Variants in FGGY observed in about 807,000 individuals in gnomAD.
The protein encoded by FGGY is FGGY carbohydrate kinase domain-containing protein.
A neutral mutation model predicts 71.3 loss-of-function variants in FGGY; 72 were observed. The ratio of observed to expected loss-of-function variants is 1.01; its 90% CI spans 0.84 to 1.23. The LOEUF (loss-of-function observed/expected upper bound fraction) is 1.23. Among genes scored for constraint, FGGY ranks in the 50% most tolerant of loss-of-function variants. FGGY has a pLI of 0.00. For synonymous variants in FGGY, 251 were observed against 250.3 expected (o/e 1.00, Z -0.02); for missense variants, 668 against 682.3 (o/e 0.98, Z 0.23).
chr1:59,713,660 T>C (rs2097818773), intron 14 of FGGY, among the ~76,000 whole-genome samples: 1 of 152,230 alleles, frequency 6.6e-6, no homozygotes, highest in Admixed American at 6.5e-5. Context: ...TTAAAGTCCT[T>C]ATATAATCAA....
chr1:59,588,280 A>C (rs1055975458), intron 8 of FGGY, among the ~76,000 whole-genome samples: 1 of 152,130 alleles, frequency 6.6e-6, no homozygotes, highest in African/African-American at 2.4e-5. Flanking sequence ...GCCTCCAAGA[A>C]ATATGGGACT....
intron 8 of FGGY, among the ~76,000 whole-genome samples, chr1:59,558,421 G>T (rs150225329): frequency 1.2e-3 from 178 of 152,208 alleles, no homozygotes; most frequent in African/African-American, 4.1e-3. Context: ...GCTGCTGGGG[G>T]TGACATCACA....
intron 5 of FGGY, among the ~76,000 whole-genome samples, chr1:59,435,099 C>T (rs1244942343): frequency 6.6e-6 from 1 of 152,154 alleles, no homozygotes; most frequent in Non-Finnish European, 1.5e-5. Context: ...ATCCAAGATA[C>T]ATGGAGAGCT....
intron 6 of FGGY, among the ~76,000 whole-genome samples, chr1:59,503,618 T>TATATATATATAA (rs1491270217): frequency 7.0e-6 from 1 of 143,752 alleles, no homozygotes; most frequent in African/African-American, 2.6e-5. Context: ...TATATATATA[T>TATATATATATAA]AAAATATGTA....
chr1:59,514,161 C>T (rs1257632019), intron 7 of FGGY, among the ~76,000 whole-genome samples: 1 of 152,196 alleles, frequency 6.6e-6, no homozygotes. Context: ...TGTCCCCTAG[C>T]AATCCTGACA....
chr1:59,490,418 T>C (rs1394350544), intron 6 of FGGY, among the ~76,000 whole-genome samples: 1 of 152,178 alleles, frequency 6.6e-6, no homozygotes, highest in African/African-American at 2.4e-5. Flanking sequence ...TGGATATTAA[T>C]GTCTTGACCA....
intron 10 of FGGY, 143 bp downstream of exon 10, chr1:59,626,192 C>A: frequency 1.6e-6 from 1 of 607,214 alleles, no homozygotes; most frequent in Admixed American, 3.1e-5. Context: ...CTGGATGATC[C>A]AGAAGATAGA....
At chr1:59,325,366 C>A (rs1376822998) in intron 2 of FGGY, among the ~76,000 whole-genome samples, 2 of 60,912 alleles carry the variant, frequency 3.3e-5, no homozygotes, top group African/African-American at 1.4e-4. Flanking sequence ...CCAACAACAG[C>A]AACAACAACA....
At chr1:59,533,187 TCACTC>T (rs1201204030) in intron 7 of FGGY, among the ~76,000 whole-genome samples, 1 of 152,226 alleles carries the variant, frequency 6.6e-6, no homozygotes, top group Non-Finnish European at 1.5e-5. Context: ...AGGCATTGCC[TCACTC>T]GGGAAGTGCA....
In FGGY at chr1:59,460,493, C is replaced by T. The variant is rs543500869; in HGVS notation, c.670+3417C>T. ...GGGCACGGCGTAGCTGAACAAAAGG[C>T]AGCAGAAACCTCTGCAGTCTTAAAC... On this transcript the variant is annotated intron_variant, in intron 6 of 15. Transcript: ENST00000303721. Among the ~76,000 whole-genome samples, 10 of 152,330 alleles carry T rather than the reference C, an allele frequency of 6.6e-5. No homozygotes were observed. In the East Asian group the frequency reaches 1.9e-3, roughly 29 times the overall value.
intron 8 of FGGY, among the ~76,000 whole-genome samples, chr1:59,554,599 G>T (rs1259463128): frequency 2.6e-5 from 4 of 152,004 alleles, no homozygotes; most frequent in Admixed American, 6.5e-5. Flanking sequence ...TGTTTTCCTT[G>T]GCCAGGGAAC....
intron 7 of FGGY, among the ~76,000 whole-genome samples, chr1:59,551,585 G>A (rs917700543): frequency 6.6e-6 from 1 of 151,936 alleles, no homozygotes; most frequent in Non-Finnish European, 1.5e-5. Context: ...AGTGAACATT[G>A]GTTGCCTGGC....
intron 6 of FGGY, among the ~76,000 whole-genome samples, chr1:59,483,821 G>A (rs930826049): frequency 1.3e-5 from 2 of 151,990 alleles, no homozygotes; most frequent in East Asian, 1.9e-4. Flanking sequence ...AGAAGTCCTG[G>A]GGAGATGAAT....
At chr1:59,296,763 A>G (rs1378454291), upstream of FGGY, 9 of 149,508 alleles carry the variant, frequency 6.0e-5, no homozygotes, top group African/African-American at 2.0e-4. Context: ...CGCGCTTTAC[A>G]GGGGCCGCGC....
At chr1:59,324,281 T>G (rs2046940907) in intron 2 of FGGY, among the ~76,000 whole-genome samples, 1 of 133,746 alleles carries the variant, frequency 7.5e-6, no homozygotes, top group Admixed American at 7.4e-5. Context: ...TTTTTTTTTT[T>G]TTTTTTTTTT....
At chr1:59,395,658 T>C (rs1279056403) in intron 5 of FGGY, among the ~76,000 whole-genome samples, 2 of 152,210 alleles carry the variant, frequency 1.3e-5, no homozygotes, top group African/African-American at 4.8e-5. Flanking sequence ...CTGGCCACTA[T>C]TGTGAGTATT....
At chr1:59,721,529 G>T (rs543785706) in intron 14 of FGGY, among the ~76,000 whole-genome samples, 2 of 151,456 alleles carry the variant, frequency 1.3e-5, no homozygotes, top group Non-Finnish European at 2.9e-5. Flanking sequence ...GTAGAGACAG[G>T]GTTTCACCAT....
At chr1:59,609,905 T>C (rs1466086214) in intron 9 of FGGY, among the ~76,000 whole-genome samples, 2 of 152,198 alleles carry the variant, frequency 1.3e-5, no homozygotes, top group African/African-American at 4.8e-5. Flanking sequence ...AAGGAGCTCA[T>C]ACTTGGATGG....
chr1:59,550,995 C>T (rs2095599897), intron 7 of FGGY, among the ~76,000 whole-genome samples: 2 of 152,108 alleles, frequency 1.3e-5, no homozygotes, highest in African/African-American at 2.4e-5. Context: ...AGAGAACATT[C>T]AAGGAGCTCA....
Sources: allele counts gnomAD v4.1 joint callset (sites outside exome capture counted in the v4.1 genomes callset), GRCh38; gene constraint gnomAD v4.1.1; transcripts MANE v1.5; gene names NCBI Gene and HGNC (gene_info 2026-07-23, HGNC 2026-07-21).